Variants in CHRM3 observed in about 807,000 individuals in gnomAD.
CHRM3 encodes the protein muscarinic acetylcholine receptor M3.
CHRM3 carries 11 observed loss-of-function variants against 41.8 expected under a neutral mutation model. The observed-to-expected ratio is 0.26, with a 90% CI of 0.17 to 0.44. CHRM3 has a LOEUF of 0.44. Among genes scored for constraint, CHRM3 ranks in the 20% least tolerant of loss-of-function variants. CHRM3 has a pLI of 1.00. For synonymous variants in CHRM3, 297 were observed against 301.4 expected, an observed-to-expected ratio of 0.99 and a Z score of 0.15; for missense variants, 571 against 745.4, an observed-to-expected ratio of 0.77 and a Z score of 2.72.
At chr1:239,413,329 G>A (rs375434937) in intron 1 of CHRM3, among the ~76,000 whole-genome samples, 24 of 151,956 alleles carry the variant, frequency 1.6e-4, no homozygotes, top group African/African-American at 5.8e-4. Flanking sequence ...TCACTCTGTC[G>A]CCCAGGCTGG....
At chr1:239,653,985 A>T (rs1173891180) in intron 4 of CHRM3, among the ~76,000 whole-genome samples, 1 of 152,186 alleles carries the variant, frequency 6.6e-6, no homozygotes, top group East Asian at 1.9e-4. Context: ...TTTACAATGC[A>T]AAGTCTTGCT....
At chr1:239,876,060 C>A (rs752020312) in intron 6 of CHRM3, among the ~76,000 whole-genome samples, 5 of 152,164 alleles carry the variant, frequency 3.3e-5, no homozygotes, top group Non-Finnish European at 7.3e-5. Context: ...CCACTGGTGA[C>A]GTGCTAAAGA....
At chr1:239,804,587 TGGGTTTCAAAAGGAA>T (rs1168248529) in intron 5 of CHRM3, among the ~76,000 whole-genome samples, 1 of 152,186 alleles carries the variant, frequency 6.6e-6, no homozygotes, top group Non-Finnish European at 1.5e-5. Flanking sequence ...TTTTTGCAGT[TGGGTTTCAAAAGGAA>T]AGGAGCCGAT....
intron 3 of CHRM3, among the ~76,000 whole-genome samples, chr1:239,581,379 G>C (rs1662882996): frequency 7.4e-6 from 1 of 135,646 alleles, no homozygotes; most frequent in African/African-American, 2.7e-5. Flanking sequence ...AGGTGACAAA[G>C]TTAGGATTCA....
intron 1 of CHRM3, among the ~76,000 whole-genome samples, chr1:239,404,417 A>AGAAG (rs1660355161): frequency 1.2e-5 from 1 of 80,188 alleles, no homozygotes; most frequent in Admixed American, 1.3e-4. Context: ...AGAAAAAGAA[A>AGAAG]GAAAGAAAGA....
In CHRM3 at chr1:239,533,388, A is replaced by C. The variant is rs1357038979; in HGVS notation, c.-421-12253A>C. 2.0e-5 allele frequency among the ~76,000 whole-genome samples: 3 copies of C among 152,194 alleles called. No individual in the cohort carries two copies. The East Asian group carries it at 5.8e-4, about 29-fold the overall frequency. ...ATCATGGCAGAAGGTGAAGGAGAAG[A>C]AAGGCACCTTCTTCACAGGGCGGCA... On this transcript the variant is annotated intron_variant, in intron 2 of 6. Coordinates refer to ENST00000676153, the MANE Select transcript of CHRM3 (RefSeq NM_001375978.1).
chr1:239,737,434 A>G (rs1420372951), intron 5 of CHRM3, among the ~76,000 whole-genome samples: 1 of 152,178 alleles, frequency 6.6e-6, no homozygotes, highest in Non-Finnish European at 1.5e-5. Context: ...ATTTAAATTC[A>G]GAAAAAATAA....
chr1:239,548,119 G>T (rs1659466716), intron 3 of CHRM3, among the ~76,000 whole-genome samples: 1 of 152,096 alleles, frequency 6.6e-6, no homozygotes, highest in African/African-American at 2.4e-5. Flanking sequence ...TTTTTATTAT[G>T]AATCAACTTA....
chr1:239,859,395 GT>G (rs370468669), intron 6 of CHRM3, among the ~76,000 whole-genome samples: 1 of 144,784 alleles, frequency 6.9e-6, no homozygotes, highest in African/African-American at 2.6e-5. Flanking sequence ...TTGTTGGCCT[GT>G]TTTTTTTGTT....
chr1:239,678,425 A>G (rs1658220669), intron 5 of CHRM3, 137 bp downstream of exon 5: 1 of 152,178 alleles, frequency 6.6e-6, no homozygotes, highest in Non-Finnish European at 1.5e-5. Flanking sequence ...TGTCTTTTCT[A>G]CTTAGAAGCA....
At chr1:239,487,424 C>T (rs1297992031) in intron 1 of CHRM3, among the ~76,000 whole-genome samples, 1 of 151,960 alleles carries the variant, frequency 6.6e-6, no homozygotes, top group Non-Finnish European at 1.5e-5. Context: ...TTTTAAGGTA[C>T]ACAGGAAATT....
intron 6 of CHRM3, among the ~76,000 whole-genome samples, chr1:239,867,550 G>A (rs1049589051): frequency 6.6e-6 from 1 of 152,104 alleles, no homozygotes; most frequent in African/African-American, 2.4e-5. Context: ...GCCAGGCATG[G>A]TGGCACACAC....
intron 3 of CHRM3, among the ~76,000 whole-genome samples, chr1:239,550,055 GA>G (rs1659668330): frequency 6.6e-6 from 1 of 151,876 alleles, no homozygotes; most frequent in African/African-American, 2.4e-5. Context: ...GAATTTCCCA[GA>G]GAGGTTTATG....
At chr1:239,459,208 T>A (rs147152314) in intron 1 of CHRM3, among the ~76,000 whole-genome samples, 2,046 of 152,128 alleles carry the variant, frequency 0.013, 32 homozygotes, top group South Asian at 0.08. Context: ...GTCCTTTTTG[T>A]CCCTAAATCT....
chr1:239,639,123 A>ATCTATG (rs1670810571), intron 4 of CHRM3, among the ~76,000 whole-genome samples: 2 of 150,518 alleles, frequency 1.3e-5, no homozygotes, highest in Non-Finnish European at 3.0e-5. Context: ...ATTGATCTAT[A>ATCTATG]TCTCTGTTTT....
chr1:239,913,448 C>T lies in CHRM3; in HGVS notation c.*4224C>T, dbSNP rs1420182400. Reference sequence around the variant, plus strand: ...AACAAACTTATTTAGACAGTATCAACTCTAGCCCTTAATAGGTTCAAGGAC... The same window carrying T: ...AACAAACTTATTTAGACAGTATCAATTCTAGCCCTTAATAGGTTCAAGGAC... On this transcript the variant is annotated 3_prime_UTR_variant, in exon 7 of 7. Transcript: ENST00000676153. 6.0e-6 allele frequency: 1 copy of T among 167,066 alleles called. No homozygotes were observed. The highest frequency in any genetic ancestry group is 1.9e-4 in the East Asian group (1 of 5,202). 10.3% of individuals were successfully genotyped at this position (167,066 alleles called of 1,614,324 possible).
intron 1 of CHRM3, among the ~76,000 whole-genome samples, chr1:239,388,948 C>T (rs1322813748): frequency 6.6e-6 from 1 of 152,176 alleles, no homozygotes; most frequent in Non-Finnish European, 1.5e-5. Flanking sequence ...GGAAATATAA[C>T]GTTCGCTTAA....
chr1:239,776,327 A>G (rs1029797216), intron 5 of CHRM3, among the ~76,000 whole-genome samples: 5 of 152,248 alleles, frequency 3.3e-5, no homozygotes, highest in African/African-American at 4.8e-5. Flanking sequence ...ACATGAGTTA[A>G]TGATTGCAAA....
intron 1 of CHRM3, among the ~76,000 whole-genome samples, chr1:239,483,655 G>A (rs777892250): frequency 1.6e-4 from 25 of 152,020 alleles, no homozygotes; most frequent in Non-Finnish European, 2.6e-4. Context: ...TGCCACCTAC[G>A]TAGCTAGAGA....
Sources: gnomAD v4.1 joint callset for allele counts (sites outside exome capture counted in the v4.1 genomes callset) on GRCh38, gnomAD v4.1.1 for gene constraint, MANE v1.5 for transcripts, NCBI Gene and HGNC (gene_info 2026-07-23, HGNC 2026-07-21) for gene names.